Variants in ARNT observed in about 807,000 individuals in gnomAD.
ARNT encodes the protein class E basic helix-loop-helix protein 2.
ARNT carries 30 observed loss-of-function variants against 105.0 expected under a neutral mutation model. The ratio of observed to expected loss-of-function variants is 0.29; its 90% CI spans 0.21 to 0.39. The LOEUF (loss-of-function observed/expected upper bound fraction) is 0.39. ARNT is among the 10% of genes least tolerant of loss of function. ARNT has a pLI of 1.00. For missense variants in ARNT, 748 were observed against 978.7 expected (o/e 0.76, Z 3.15); for synonymous variants, 304 against 344.0 (o/e 0.88, Z 1.29).
intron 6 of ARNT, among the ~76,000 whole-genome samples, chr1:150,838,830 T>C (rs895797074): frequency 6.6e-6 from 1 of 152,230 alleles, no homozygotes; most frequent in African/African-American, 2.4e-5. Flanking sequence ...TATGTCTATC[T>C]AGTCCCACAT....
chr1:150,860,482 C>T (rs1665430089), intron 1 of ARNT, among the ~76,000 whole-genome samples: 1 of 151,288 alleles, frequency 6.6e-6, no homozygotes, highest in South Asian at 2.1e-4. Context: ...TCCCAAAATG[C>T]TAGGATTACA....
At chr1:150,845,089 C>G (rs922085351) in intron 4 of ARNT, among the ~76,000 whole-genome samples, 32 of 152,026 alleles carry the variant, frequency 2.1e-4, no homozygotes, top group South Asian at 6.2e-4. Flanking sequence ...GAATTACAGG[C>G]ATATGCCACC....
chr1:150,850,898 C>T (rs1663274450), intron 3 of ARNT, among the ~76,000 whole-genome samples: 1 of 151,910 alleles, frequency 6.6e-6, no homozygotes, highest in Non-Finnish European at 1.5e-5. Context: ...CCCGCCACCC[C>T]GTCTGGGAGG....
chr1:150,839,721 G>C, intron 5 of ARNT, 67 bp from the exon 6 acceptor site: 1 of 1,450,530 alleles, frequency 6.9e-7, no homozygotes, highest in Non-Finnish European at 9.5e-7. Context: ...CAGGGAGAGT[G>C]ATATGGATAC....
Position 150,823,436 on chromosome 1 carries a change from C to T in ARNT, c.1243-91G>A, listed in dbSNP as rs1657520624. ...TTTTCCAATTTCTATAACCCTAAAACTCTTGTCATTGTCCTTGAGGCACCA... is the reference window on the plus strand; with the variant it reads ...TTTTCCAATTTCTATAACCCTAAAATTCTTGTCATTGTCCTTGAGGCACCA... On this transcript the variant is annotated intron_variant, in intron 13 of 21. Transcript: ENST00000358595. 3.9e-6 allele frequency: 5 copies of T among 1,295,780 alleles called. No individual in the cohort carries two copies. In the South Asian group the frequency reaches 6.9e-5, roughly 18 times the overall value. The allele number at this position is 1,295,780 out of a possible 1,614,324, so 80.3% of individuals were successfully genotyped here.
At chr1:150,857,233 T>A (rs1374846138) in intron 2 of ARNT, among the ~76,000 whole-genome samples, 2 of 152,204 alleles carry the variant, frequency 1.3e-5, no homozygotes, top group East Asian at 1.9e-4. Context: ...TATAACTACA[T>A]AGCATTCCAT....
At position 150,814,256 on chromosome 1, in the gene ARNT, A is replaced by C. The variant is rs755902371; in HGVS notation, c.1951-17T>G. 6.2e-7 allele frequency: 1 copy of C among 1,612,892 alleles called. No individual in the cohort carries two copies. The highest frequency in any genetic ancestry group is 1.1e-5 in the South Asian group (1 of 90,972). ...AGCCACCTGCTAAAGAGAGATGGAG[A>C]GGGGATATAGAACAAATACAGCATT... On this transcript the variant is annotated splice_polypyrimidine_tract_variant and intron_variant, in intron 19 of 21. Coordinates refer to ENST00000358595, the MANE Select transcript of ARNT (RefSeq NM_001668.4).
At chr1:150,817,853 A>T in intron 15 of ARNT, 67 bp downstream of exon 15, 1 of 1,274,586 alleles carries the variant, frequency 7.8e-7, no homozygotes, top group African/African-American at 1.5e-5. Context: ...AACAAAAAAT[A>T]TATGGGATTG....
chr1:150,861,745 A>G (rs941261383), intron 1 of ARNT, among the ~76,000 whole-genome samples: 2 of 152,226 alleles, frequency 1.3e-5, no homozygotes, highest in Non-Finnish European at 2.9e-5. Flanking sequence ...ACCCAAAAAA[A>G]AGGGTCATAC....
At chr1:150,859,689 G>GT (rs1357568413) in intron 1 of ARNT, among the ~76,000 whole-genome samples, 5 of 152,040 alleles carry the variant, frequency 3.3e-5, no homozygotes, top group Admixed American at 1.3e-4. Context: ...TTCAATCTCA[G>GT]TTTATATATA....
At chr1:150,824,583 A>G (rs1177927502) in intron 13 of ARNT, among the ~76,000 whole-genome samples, 1 of 150,356 alleles carries the variant, frequency 6.7e-6, no homozygotes, top group Non-Finnish European at 1.5e-5. Flanking sequence ...CCTCCTGAGT[A>G]GCTGGGGACT....
At chr1:150,863,594 C>T (rs1473646589) in intron 1 of ARNT, among the ~76,000 whole-genome samples, 2 of 151,864 alleles carry the variant, frequency 1.3e-5, no homozygotes, top group East Asian at 1.9e-4. Context: ...TTTGGGAGGC[C>T]GAGGTGGGTG....
At position 150,839,546 on chromosome 1, in the gene ARNT, G is replaced by A. The variant is rs1031034490; in HGVS notation, c.381C>T (p.Asp127=). 1 of 1,614,092 alleles carries A rather than the reference G, an allele frequency of 6.2e-7. No individual in the cohort carries two copies. Among genetic ancestry groups the A allele is most frequent in the African/African-American group, 1.3e-5 (1 of 74,924 alleles). ...CTGCCATGCGTAAGATGGTTAGCTT[G>A]TCTGGTTTTCGAGCCAGGGCACTAC... ...PTCSALARKP[D]KLTILRMAVS... The change falls in exon 6 of 22, where the codon GAC becomes GAT. Residue 127 remains aspartate, a synonymous_variant. Transcript: ENST00000358595.
chr1:150,832,367 A>G lies in ARNT; in HGVS notation c.836T>C (p.Val279Ala), dbSNP rs1382063138. ...GTTCCTCACAAAGCTCAGCCTATTC[A>G]CAGAAACTGGGTCCACAGAGCTACT... ...CGSSSVDPVS[V>A]NRLSFVRNRC... Residue 279 changes from valine to alanine, a missense_variant, in exon 9 of 22, where the codon GTG becomes GCG. This residue lies in a region of ARNT where 291 missense variants were observed against 444.6 expected (regional missense o/e 0.65). Coordinates refer to ENST00000358595, the MANE Select transcript of ARNT (RefSeq NM_001668.4). 1 of 1,614,152 alleles carries G rather than the reference A, an allele frequency of 6.2e-7. No homozygotes were observed. The highest frequency in any genetic ancestry group is 1.7e-5 in the Admixed American group (1 of 60,020).
At chr1:150,857,765 T>C (rs1344718813) in intron 2 of ARNT, among the ~76,000 whole-genome samples, 1 of 152,196 alleles carries the variant, frequency 6.6e-6, no homozygotes, top group Non-Finnish European at 1.5e-5. Context: ...AAACTAGGCA[T>C]ATTCTATCAT....
At position 150,814,097 on chromosome 1, in the gene ARNT, G is replaced by A. The variant is rs376925279; in HGVS notation, c.2093C>T (p.Thr698Ile). The change falls in exon 20 of 22, where the codon ACC becomes ATC. Residue 698 changes from threonine to isoleucine, a missense_variant. Around this residue, in one of 4 missense-constraint regions of ARNT, gnomAD observed 360 missense variants for 411.9 expected, o/e 0.87. Coordinates refer to ENST00000358595, the MANE Select transcript of ARNT (RefSeq NM_001668.4). ...SPGAAAYPSLTNRGSNFAPET... is the reference protein window; with the variant it reads ...SPGAAAYPSLINRGSNFAPET... ...CTCACCAAAGTTAGATCCACGATTGGTGAGACTAGGGTAGGCAGCAGCACC... is the reference window on the plus strand; with the variant it reads ...CTCACCAAAGTTAGATCCACGATTGATGAGACTAGGGTAGGCAGCAGCACC... The A allele has an allele frequency of 1.9e-6, 3 of 1,614,002 alleles. No individual in the cohort carries two copies. In the African/African-American group the frequency reaches 4.0e-5, roughly 22 times the overall value.
At chr1:150,834,505 A>C in intron 8 of ARNT, 33 bp downstream of exon 8, 1 of 1,600,692 alleles carries the variant, frequency 6.2e-7, no homozygotes, top group Non-Finnish European at 8.6e-7. Flanking sequence ...GATCCTTCCT[A>C]TACCAAATCA....
intron 12 of ARNT, among the ~76,000 whole-genome samples, chr1:150,827,114 A>G (rs959220944): frequency 1.1e-4 from 17 of 152,182 alleles, no homozygotes; most frequent in Admixed American, 8.5e-4. Context: ...TCTGTTAAGG[A>G]GCTGGCTTCT....
chr1:150,834,809 T>C, intron 7 of ARNT, 169 bp from the exon 8 acceptor site: 1 of 542,292 alleles, frequency 1.8e-6, no homozygotes, highest in Non-Finnish European at 3.3e-6. Context: ...CCTAAAATAC[T>C]TCAATTATCA....
Sources: gnomAD v4.1 joint callset for allele counts (sites outside exome capture counted in the v4.1 genomes callset) on GRCh38, gnomAD v4.1.1 for gene constraint, gnomAD v4.1.1 regional missense constraint, MANE v1.5 for transcripts, NCBI Gene and HGNC (gene_info 2026-07-23, HGNC 2026-07-21) for gene names.